The following TTLL11 variants were observed in gnomAD, a reference collection of about 807,000 sequenced individuals.
TTLL11 encodes the protein tubulin polyglutamylase TTLL11.
In TTLL11, 42 loss-of-function variants were observed where a neutral mutation model predicts 51.7. The ratio of observed to expected loss-of-function variants is 0.81; its 90% confidence interval spans 0.64 to 1.05. The LOEUF is 1.05. Ranked by LOEUF, TTLL11 falls within the 50% of genes least tolerant of loss-of-function variation. The pLI is 0.00. For synonymous variants in TTLL11, 381 were observed against 383.5 expected, an observed-to-expected ratio of 0.99 and a Z score of 0.08; for missense variants, 799 against 940.4, an observed-to-expected ratio of 0.85 and a Z score of 1.97.
In TTLL11 at chr9:121,974,087, A is replaced by G. The variant is rs1344447815; in HGVS notation, c.1403T>C (p.Val468Ala). The G allele has an allele frequency of 1.9e-6, 3 of 1,551,718 alleles. No individual in the cohort carries two copies. Among genetic ancestry groups the G allele is most frequent in the South Asian group, 2.4e-5 (2 of 84,056 alleles). Residue 468 changes from valine to alanine, a missense_variant, in exon 6 of 9, where the codon GTT (valine) becomes GCT (alanine). By Grantham distance (64) the Val-to-Ala change is moderately conservative. This residue lies in a region of TTLL11 where 468 missense variants were observed against 612.8 expected (regional missense o/e 0.76). Coordinates refer to ENST00000321582, the MANE Select transcript of TTLL11 (RefSeq NM_001139442.2). The stretch of plus-strand genomic sequence containing the variant: ...CACAGCCACTTTCACTTCTTCATCA[A>G]CGAGGCTGGGGACATTTTCAAACAC... ...PGVFENVPSL[V>A]DEEVKVAVIR...
At chr9:121,937,985 A>G (rs1174180501) in intron 6 of TTLL11, among the ~76,000 whole-genome samples, 1 of 152,162 alleles carries the variant, frequency 6.6e-6, no homozygotes, top group African/African-American at 2.4e-5. Flanking sequence ...AACGTAAGAA[A>G]GATTTTCTTT....
intron 6 of TTLL11, among the ~76,000 whole-genome samples, chr9:121,874,149 G>A (rs911001240): frequency 6.6e-6 from 1 of 152,020 alleles, no homozygotes; most frequent in Non-Finnish European, 1.5e-5. Flanking sequence ...GAGCCACCGT[G>A]CCTGGCCAGT....
intron 6 of TTLL11, among the ~76,000 whole-genome samples, chr9:121,942,071 C>T (rs1490115894): frequency 6.6e-6 from 1 of 152,158 alleles, no homozygotes; most frequent in African/African-American, 2.4e-5. Flanking sequence ...CAGCTCATGT[C>T]AACTTAACCC....
rs1159135685 is a variant in TTLL11, at chr9:121,995,852, CT to C, written c.694-6083del. 6.6e-6 allele frequency among the ~76,000 whole-genome samples: 1 copy of C among 152,188 alleles called. No individual in the cohort carries two copies. Among genetic ancestry groups the C allele is most frequent in the Non-Finnish European group, 1.5e-5 (1 of 68,038 alleles). ...ACAGGGATGAGACTCAGACTCTAAA[CT>C]CAGATGGCGCATACCTCGAACTGGA... On this transcript the variant is annotated intron_variant, in intron 3 of 8. Transcript: ENST00000321582. The surrounding 1 kb of genome is among the most constrained non-coding windows in gnomAD (Gnocchi z 4.4).
At chr9:122,035,042 G>C (rs1171277312) in intron 2 of TTLL11, among the ~76,000 whole-genome samples, 2 of 152,182 alleles carry the variant, frequency 1.3e-5, no homozygotes, top group Non-Finnish European at 1.5e-5. Context: ...TCCAAATGTT[G>C]GTGACCTTAT....
intron 6 of TTLL11, among the ~76,000 whole-genome samples, chr9:121,930,582 A>G (rs1840926406): frequency 6.6e-6 from 1 of 152,220 alleles, no homozygotes; most frequent in Non-Finnish European, 1.5e-5. Context: ...TACCTGCTGC[A>G]GACAGAAGAA....
intron 6 of TTLL11, among the ~76,000 whole-genome samples, chr9:121,965,993 G>T (rs1354754701): frequency 6.6e-6 from 1 of 152,192 alleles, no homozygotes; most frequent in African/African-American, 2.4e-5. Context: ...CGGATTTGGG[G>T]ATTCATCTAT....
intron 7 of TTLL11, among the ~76,000 whole-genome samples, chr9:121,864,275 A>G (rs1246881396): frequency 6.6e-6 from 1 of 152,196 alleles, no homozygotes; most frequent in African/African-American, 2.4e-5. Flanking sequence ...ACGTGATCTT[A>G]GAGTCTGGGG....
chr9:121,872,794 T>C (rs997677557), intron 6 of TTLL11, among the ~76,000 whole-genome samples: 3 of 152,068 alleles, frequency 2.0e-5, no homozygotes, highest in African/African-American at 4.8e-5. Flanking sequence ...ACTTCAACAA[T>C]GTGGAGGGTT....
intron 6 of TTLL11, among the ~76,000 whole-genome samples, chr9:121,961,068 G>A (rs930764099): frequency 1.3e-5 from 2 of 152,174 alleles, no homozygotes; most frequent in African/African-American, 4.8e-5. Flanking sequence ...TGATAACCAA[G>A]GGTTTTCAAA....
At chr9:122,031,199 T>C (rs192364976) in intron 3 of TTLL11, among the ~76,000 whole-genome samples, 90 of 152,346 alleles carry the variant, frequency 5.9e-4, no homozygotes, top group Admixed American at 3.5e-3. Flanking sequence ...TCCAGTGTAT[T>C]ACATGCTCAA....
intron 1 of TTLL11, among the ~76,000 whole-genome samples, chr9:122,089,252 C>T (rs1846201034): frequency 6.6e-6 from 1 of 152,246 alleles, no homozygotes; most frequent in East Asian, 1.9e-4. Context: ...CCTGAGTACT[C>T]CCCAAACCCA....
chr9:121,975,559 A>G (rs1842685180), intron 4 of TTLL11, among the ~76,000 whole-genome samples: 1 of 152,130 alleles, frequency 6.6e-6, no homozygotes, highest in Admixed American at 6.5e-5. Flanking sequence ...TAAAAATACA[A>G]AAATTAGCTG....
At chr9:121,843,469 G>A (rs180873059) in intron 8 of TTLL11, among the ~76,000 whole-genome samples, 222 of 152,138 alleles carry the variant, frequency 1.5e-3, no homozygotes, top group Non-Finnish European at 2.7e-3. Context: ...AAAAACGCCT[G>A]GGGGCCAGTC....
In TTLL11 at chr9:121,953,374, T is replaced by G. The variant is rs562335701; in HGVS notation, c.1481+20635A>C. ...GCAGCCAGGCACTGTGGCTCACGTG[T>G]GTAATCCCAGCACATTGGGTGGCTG... is the stretch of plus-strand genomic sequence containing the variant. On this transcript the variant is annotated intron_variant, in intron 6 of 8. Transcript: ENST00000321582. Among the ~76,000 whole-genome samples the G allele has an allele frequency of 2.6e-5, 4 of 152,194 alleles. 1 individual carries two copies. Among genetic ancestry groups the G allele is most frequent in the Admixed American group, 2.6e-4 (4 of 15,296 alleles).
rs953387240 is a variant in TTLL11, at chr9:121,978,542, A to T, written c.1270-3563T>A. Among the ~76,000 whole-genome samples, 3 of 152,166 alleles carry T rather than the reference A, an allele frequency of 2.0e-5. No individual in the cohort carries two copies. The South Asian group carries it at 6.3e-4, about 32-fold the overall frequency. ...AAGGAATGTGCAGCTTAGCATGGGGAAAGCCTCTTTCCAAGTCCCTCTAAC... is the reference window on the plus strand; with the variant it reads ...AAGGAATGTGCAGCTTAGCATGGGGTAAGCCTCTTTCCAAGTCCCTCTAAC... On this transcript the variant is annotated intron_variant, in intron 4 of 8. Coordinates refer to ENST00000321582, the MANE Select transcript of TTLL11 (RefSeq NM_001139442.2).
intron 3 of TTLL11, among the ~76,000 whole-genome samples, chr9:122,020,782 A>G (rs1225297714): frequency 6.6e-6 from 1 of 152,208 alleles, no homozygotes; most frequent in Non-Finnish European, 1.5e-5. Context: ...TCTACCAGGT[A>G]GGCAAACAAT....
intron 4 of TTLL11, among the ~76,000 whole-genome samples, chr9:121,982,668 T>C (rs896408995): frequency 7.2e-5 from 10 of 138,150 alleles, no homozygotes; most frequent in African/African-American, 2.7e-4. Context: ...TTGCAGTGAG[T>C]GAGTGCCATT....
chr9:121,977,918 G>A (rs1426718327), intron 4 of TTLL11, among the ~76,000 whole-genome samples: 15 of 151,972 alleles, frequency 9.9e-5, no homozygotes, highest in African/African-American at 2.2e-4. Flanking sequence ...CAGGTGATCC[G>A]CCTGCCTTGT....
Sources: allele counts gnomAD v4.1 joint callset (sites outside exome capture counted in the v4.1 genomes callset), GRCh38; gene constraint gnomAD v4.1.1; regional missense constraint gnomAD v4.1.1; non-coding constraint Gnocchi (gnomAD v3.1); transcripts MANE v1.5; gene names NCBI Gene and HGNC (gene_info 2026-07-23, HGNC 2026-07-21).